The following STYX variants were observed in gnomAD, a reference collection of about 807,000 sequenced individuals.
STYX encodes serine/threonine/tyrosine-interacting protein.
A neutral mutation model predicts 42.7 loss-of-function variants in STYX; 20 were observed. The ratio of observed to expected loss-of-function variants is 0.47; its 90% CI spans 0.33 to 0.68. The LOEUF (loss-of-function observed/expected upper bound fraction) is 0.68. Ranked by LOEUF, STYX falls within the 30% of genes least tolerant of loss-of-function variation. STYX has a pLI of 0.02. For synonymous variants in STYX, 78 were observed against 81.9 expected, an observed-to-expected ratio of 0.95 and a Z score of 0.26; for missense variants, 226 against 268.5, an observed-to-expected ratio of 0.84 and a Z score of 1.11.
At chr14:52,765,468 C>T (rs1324665028) in intron 9 of STYX, among the ~76,000 whole-genome samples, 5 of 152,200 alleles carry the variant, frequency 3.3e-5, no homozygotes, top group African/African-American at 1.2e-4. Context: ...CTGCCCTCCT[C>T]GGCCTCCCAA....
chr14:52,732,292 A>G (rs200484685), intron 1 of STYX, among the ~76,000 whole-genome samples: 5 of 123,964 alleles, frequency 4.0e-5, no homozygotes, highest in Non-Finnish European at 6.5e-5. Context: ...TTTGAGACAG[A>G]GTCTCACTCT....
intron 3 of STYX, among the ~76,000 whole-genome samples, chr14:52,748,796 G>A (rs1239543346): frequency 6.6e-6 from 1 of 152,156 alleles, no homozygotes; most frequent in Non-Finnish European, 1.5e-5. Context: ...AACTCCATAG[G>A]CATCAAGTGT....
intron 1 of STYX, among the ~76,000 whole-genome samples, chr14:52,736,225 A>C (rs1446087476): frequency 6.6e-6 from 1 of 152,144 alleles, no homozygotes; most frequent in Non-Finnish European, 1.5e-5. Context: ...TTTAGGCAAC[A>C]TTTCTTCAGA....
chr14:52,771,101 G>A lies in STYX; in HGVS notation c.667G>A (p.Gly223Ser). 1 of 1,608,746 alleles carries A rather than the reference G, an allele frequency of 6.2e-7. No homozygotes were observed. The highest frequency in any genetic ancestry group is 8.5e-7 in the Non-Finnish European group (1 of 1,176,548). Residue 223 changes from glycine (G) to serine (S), a missense_variant, in exon 11 of 11, where the codon GGC (glycine) becomes AGC (serine). Physicochemically the swap from Gly to Ser is moderately conservative, Grantham distance 56 (BLOSUM62 0). Transcript: ENST00000354586. ...GTMQVATAQN[G>S] ...CATGCAAGTGGCGACTGCACAGAAT[G>A]GCTGACTTGAAGAGCAACATCATAG...
intron 9 of STYX, among the ~76,000 whole-genome samples, chr14:52,766,083 A>T (rs1413972159): frequency 6.6e-6 from 1 of 152,022 alleles, no homozygotes; most frequent in Non-Finnish European, 1.5e-5. Context: ...TGTAGCCTTG[A>T]CCTCCTGGGC....
In STYX at chr14:52,771,217, T is replaced by C; in HGVS notation, c.*111T>C. 1.0e-6 allele frequency: 1 copy of C among 981,978 alleles called. No individual in the cohort carries two copies. The highest frequency in any genetic ancestry group is 1.5e-6 in the Non-Finnish European group (1 of 672,010). The allele number at this position is 981,978 out of a possible 1,614,324, so 60.8% of individuals were successfully genotyped here. On this transcript the variant is annotated 3_prime_UTR_variant, in exon 11 of 11. Coordinates refer to ENST00000354586, the MANE Select transcript of STYX (RefSeq NM_145251.4). ...ATAAGTAGTTTTTTTTTCAATTACA[T>C]GTTGCTTCCAGACATACTTCTCTGC... is the stretch of plus-strand genomic sequence containing the variant.
rs1290402264 is a variant in STYX at position 52,774,364 on chromosome 14, A to G, written c.*3258A>G. On this transcript the variant is annotated 3_prime_UTR_variant, in exon 11 of 11. Coordinates refer to ENST00000354586, the MANE Select transcript of STYX (RefSeq NM_145251.4). ...TATATATATATGTATCAAGATCTCA[A>G]CTTGATGTAAAGTAAATGAGCAGTT... The G allele has an allele frequency of 6.6e-6, 1 of 151,668 alleles. No individual in the cohort carries two copies. Among genetic ancestry groups the G allele is most frequent in the African/African-American group, 2.4e-5 (1 of 41,272 alleles). 9.4% of individuals were successfully genotyped at this position (151,668 alleles called of 1,614,324 possible).
At position 52,754,096 on chromosome 14, in the gene STYX, G is replaced by A; in HGVS notation, c.243-2455G>A. On this transcript the variant is annotated intron_variant, in intron 4 of 10. Transcript: ENST00000354586. ...GTAGAGACGGGGTTTCACCATGTTG[G>A]TCAGGCTGGTCTCAAACTCCTGACC... Among the ~76,000 whole-genome samples the A allele has an allele frequency of 1.3e-5, 2 of 151,722 alleles. 1 individual carries two copies.
In STYX at chr14:52,730,245, C is replaced by T; in HGVS notation, c.-230C>T. On this transcript the variant is annotated 5_prime_UTR_variant, in exon 1 of 11. Coordinates refer to ENST00000354586, the MANE Select transcript of STYX (RefSeq NM_145251.4). Reference sequence around the variant, plus strand: ...CTCTGGGGGAGGGAGACGGCAGCGGCATGGCGGCCGGGTGTAAGACGCCCG... The same window carrying T: ...CTCTGGGGGAGGGAGACGGCAGCGGTATGGCGGCCGGGTGTAAGACGCCCG... 1.8e-6 allele frequency: 1 copy of T among 569,990 alleles called. No individual in the cohort carries two copies. The allele number at this position is 569,990 out of a possible 1,614,324, so 35.3% of individuals were successfully genotyped here. A position where few individuals can be genotyped will look rare whatever the true frequency, so the allele number is the denominator to read the frequency against.
intron 4 of STYX, among the ~76,000 whole-genome samples, chr14:52,753,899 T>C (rs1262129431): frequency 9.9e-6 from 1 of 101,506 alleles, no homozygotes; most frequent in African/African-American, 4.4e-5. Flanking sequence ...CTGATTTTTT[T>C]TTTTTTTTTT....
At position 52,756,579 on chromosome 14, in the gene STYX, C is replaced by A; in HGVS notation, c.271C>A (p.Pro91Thr). ...RYLVLDIADN[P>T]VENIIRFFPM... ...TTTAGTCCTGGATATTGCAGATAAT[C>A]CAGTTGAAAATATAATACGTTTTTT... Residue 91 changes from proline (P) to threonine (T), a missense_variant, in exon 5 of 11, where the codon CCA becomes ACA. By Grantham distance (38) the Pro-to-Thr change is conservative (BLOSUM62 -1). Coordinates refer to ENST00000354586, the MANE Select transcript of STYX (RefSeq NM_145251.4). 1 of 1,523,236 alleles carries A rather than the reference C, an allele frequency of 6.6e-7. No individual in the cohort carries two copies. Among genetic ancestry groups the A allele is most frequent in the South Asian group, 1.2e-5 (1 of 81,164 alleles). 94.4% of individuals were successfully genotyped at this position (1,523,236 alleles called of 1,614,324 possible).
intron 9 of STYX, among the ~76,000 whole-genome samples, chr14:52,766,350 A>G (rs754819385): frequency 1.8e-4 from 28 of 152,012 alleles, no homozygotes; most frequent in Non-Finnish European, 3.7e-4. Flanking sequence ...TATTTTTTGT[A>G]GAGAGACAGG....
chr14:52,730,652 C>T (rs1035981537), intron 1 of STYX, 121 bp downstream of exon 1: 3 of 1,089,780 alleles, frequency 2.8e-6, no homozygotes, highest in Admixed American at 2.5e-5. Flanking sequence ...CTAAGGGCGT[C>T]CCGGGACCTC....
intron 1 of STYX, among the ~76,000 whole-genome samples, chr14:52,737,042 GT>G (rs1274897092): frequency 2.0e-5 from 3 of 151,940 alleles, no homozygotes; most frequent in African/African-American, 4.8e-5. Context: ...GTATTCTGAT[GT>G]TTTTTTTCTT....
intron 1 of STYX, among the ~76,000 whole-genome samples, chr14:52,739,632 C>CTTT (rs58454717): frequency 0.026 from 1,667 of 65,288 alleles, 12 homozygotes; most frequent in Middle Eastern, 0.042. Context: ...TCCTTTCTTT[C>CTTT]TTTTTTTTTT....
intron 4 of STYX, among the ~76,000 whole-genome samples, chr14:52,753,969 A>G (rs1056530550): frequency 1.5e-5 from 2 of 132,468 alleles, no homozygotes; most frequent in Non-Finnish European, 3.1e-5. Context: ...GGCTCACTGC[A>G]ACCTCTGCCT....
At chr14:52,744,421 ATAT>A (rs1467768959) in intron 1 of STYX, among the ~76,000 whole-genome samples, 4 of 152,196 alleles carry the variant, frequency 2.6e-5, no homozygotes, top group East Asian at 1.9e-4. Context: ...TCCATTTCAG[ATAT>A]TATTTGTTGA....
intron 1 of STYX, among the ~76,000 whole-genome samples, chr14:52,733,943 A>C (rs1006697768): frequency 6.6e-6 from 1 of 152,170 alleles, no homozygotes; most frequent in African/African-American, 2.4e-5. Flanking sequence ...CTTGGGTCCA[A>C]ATACCCCCTA....
At position 52,757,167 on chromosome 14, in the gene STYX, G is replaced by A. The variant is rs1252670020; in HGVS notation, c.304-152G>A. 3 of 545,216 alleles carry A rather than the reference G, an allele frequency of 5.5e-6. No homozygotes were observed. The African/African-American group carries it at 5.9e-5, about 11-fold the overall frequency. The allele number at this position is 545,216 out of a possible 1,614,324, so 33.8% of individuals were successfully genotyped here. On this transcript the variant is annotated intron_variant, in intron 5 of 10. Transcript: ENST00000354586. ...TGGCTTCTTTAATTTTTTTGGACTT[G>A]TAATAGTTCTATTTATAGCATTTTG... is the stretch of plus-strand genomic sequence containing the variant.
Sources: allele counts gnomAD v4.1 joint callset (sites outside exome capture counted in the v4.1 genomes callset), GRCh38; gene constraint gnomAD v4.1.1; transcripts MANE v1.5; gene names NCBI Gene and HGNC (gene_info 2026-07-23, HGNC 2026-07-21).